The following RBM19 variants were observed in gnomAD, a reference collection of about 807,000 sequenced individuals.
RBM19 encodes the protein probable RNA-binding protein 19.
A neutral mutation model predicts 116.8 loss-of-function variants in RBM19; 94 were observed. That is an observed-to-expected ratio of 0.80 (90% CI 0.68 to 0.95). The LOEUF (loss-of-function observed/expected upper bound fraction) is 0.95, where lower values mean the gene tolerates loss of function less well. Among genes scored for constraint, RBM19 ranks in the 40% least tolerant of loss-of-function variants. The pLI, the probability that RBM19 is intolerant of heterozygous loss-of-function variation, is 0.00. For synonymous variants in RBM19, 475 were observed against 494.1 expected (o/e 0.96, Z 0.51); for missense variants, 1,161 against 1,220.7 (o/e 0.95, Z 0.73).
intron 10 of RBM19, among the ~76,000 whole-genome samples, chr12:113,948,191 T>G (rs968421903): frequency 1.8e-4 from 28 of 152,164 alleles, no homozygotes; most frequent in African/African-American, 6.8e-4. Context: ...TGAATAGACA[T>G]GGGGAGACAC....
intron 21 of RBM19, among the ~76,000 whole-genome samples, chr12:113,889,681 AAAAC>A (rs1451765296): frequency 6.6e-6 from 1 of 152,094 alleles, no homozygotes; most frequent in Admixed American, 6.5e-5. Context: ...AACAAAAAAA[AAAAC>A]AAAAAGACCC....
At chr12:113,838,864 C>T (rs552500763) in intron 23 of RBM19, among the ~76,000 whole-genome samples, 2 of 152,306 alleles carry the variant, frequency 1.3e-5, no homozygotes, top group African/African-American at 4.8e-5. Context: ...GCTGGTGGGG[C>T]ACGGACCACA....
At chr12:113,845,793 C>T (rs555479031) in intron 22 of RBM19, among the ~76,000 whole-genome samples, 6 of 152,336 alleles carry the variant, frequency 3.9e-5, no homozygotes, top group Admixed American at 2.0e-4. Context: ...AACACTCCCA[C>T]GGCACAGAGA....
chr12:113,965,726 C>A (rs770497560), intron 1 of RBM19, among the ~76,000 whole-genome samples: 2 of 152,156 alleles, frequency 1.3e-5, no homozygotes, highest in Non-Finnish European at 2.9e-5. Context: ...AAGCCCTTTA[C>A]CCACTCCGTA....
intron 2 of RBM19, among the ~76,000 whole-genome samples, chr12:113,960,614 G>A (rs1324377673): frequency 6.6e-6 from 1 of 152,156 alleles, no homozygotes; most frequent in Non-Finnish European, 1.5e-5. Flanking sequence ...TCTGGGCTCT[G>A]GAACCTGAGT....
intron 16 of RBM19, among the ~76,000 whole-genome samples, chr12:113,935,834 GA>G (rs1444450501): frequency 2.6e-5 from 4 of 152,158 alleles, no homozygotes; most frequent in Admixed American, 6.5e-5. Flanking sequence ...AGGAATTCCA[GA>G]CCAGCCTGGC....
intron 17 of RBM19, among the ~76,000 whole-genome samples, chr12:113,926,844 C>G (rs749382267): frequency 1.3e-5 from 2 of 152,258 alleles, no homozygotes; most frequent in Admixed American, 1.3e-4. Flanking sequence ...CTATCAGGGC[C>G]CCCGGCCAGC....
At chr12:113,871,007 C>A (rs1267762151) in intron 21 of RBM19, among the ~76,000 whole-genome samples, 1 of 152,190 alleles carries the variant, frequency 6.6e-6, no homozygotes, top group Non-Finnish European at 1.5e-5. Context: ...GAACCAGATT[C>A]CTCTTGCAGG....
rs770611704 is a variant in RBM19, at chr12:113,845,437, T to C, written c.2665-649A>G. 1.1e-3 allele frequency among the ~76,000 whole-genome samples: 163 copies of C among 152,338 alleles called. 1 individual carries two copies. The highest frequency in any genetic ancestry group is 1.1e-3 in the Non-Finnish European group (73 of 68,032). ...CCCACATGCTGCCTGGTTCCCTCTT[T>C]CTGCTTTTTAACAGCTATACTGAGA... On this transcript the variant is annotated intron_variant, in intron 22 of 23. Coordinates refer to ENST00000261741, the MANE Select transcript of RBM19 (RefSeq NM_016196.4).
At chr12:113,882,158 G>T (rs962284583) in intron 21 of RBM19, among the ~76,000 whole-genome samples, 2 of 152,224 alleles carry the variant, frequency 1.3e-5, no homozygotes, top group African/African-American at 4.8e-5. Context: ...CACAGTGAAG[G>T]GCAGGTGTGT....
intron 16 of RBM19, among the ~76,000 whole-genome samples, chr12:113,928,625 ATGTGTGTGTGTG>A (rs57242923): frequency 0.014 from 1,693 of 120,422 alleles, 23 homozygotes; most frequent in Middle Eastern, 0.056. Context: ...TTAGCAAGGG[ATGTGTGTGTGTG>A]TGTGTGTGTG....
intron 23 of RBM19, among the ~76,000 whole-genome samples, chr12:113,840,598 T>G (rs1876377371): frequency 6.6e-6 from 1 of 152,242 alleles, no homozygotes; most frequent in African/African-American, 2.4e-5. Flanking sequence ...TTTGGGCCTG[T>G]GGCCGACAGG....
At position 113,902,548 on chromosome 12, in the gene RBM19, A is replaced by G. The variant is rs114088872; in HGVS notation, c.2558+12421T>C. Reference sequence around the variant, plus strand: ...CAGGAGTTTGAGGCTTCAGTGAGCAATGATTACACTACTGTACTCTAGCCT... The same window carrying G: ...CAGGAGTTTGAGGCTTCAGTGAGCAGTGATTACACTACTGTACTCTAGCCT... On this transcript the variant is annotated intron_variant, in intron 21 of 23. Transcript: ENST00000261741. 1.4e-3 allele frequency among the ~76,000 whole-genome samples: 212 copies of G among 148,468 alleles called. 1 individual carries two copies. Among genetic ancestry groups the G allele is most frequent in the African/African-American group, 5.1e-3 (209 of 40,684 alleles).
At chr12:113,936,066 C>T (rs1870034795) in intron 16 of RBM19, among the ~76,000 whole-genome samples, 1 of 150,186 alleles carries the variant, frequency 6.7e-6, no homozygotes, top group South Asian at 2.1e-4. Context: ...AAAAACAACT[C>T]TTAAATCTGA....
At chr12:113,939,895 C>T in intron 15 of RBM19, 65 bp downstream of exon 15, 6 of 1,550,998 alleles carry the variant, frequency 3.9e-6, no homozygotes, top group Non-Finnish European at 5.3e-6. Flanking sequence ...CCACTGCACC[C>T]TCTCCCTTGA....
At chr12:113,830,183 A>T (rs1875248865) in intron 23 of RBM19, among the ~76,000 whole-genome samples, 1 of 152,190 alleles carries the variant, frequency 6.6e-6, no homozygotes, top group Admixed American at 6.5e-5. Flanking sequence ...TGGGGGTCTC[A>T]ACAGGAAAAG....
At chr12:113,922,845 G>A (rs1433247428) in intron 18 of RBM19, among the ~76,000 whole-genome samples, 4 of 152,144 alleles carry the variant, frequency 2.6e-5, no homozygotes, top group African/African-American at 9.7e-5. Flanking sequence ...GTTAAAATGA[G>A]GTCACAGGCC....
intron 21 of RBM19, among the ~76,000 whole-genome samples, chr12:113,888,851 C>T (rs1006572791): frequency 2.6e-5 from 4 of 152,192 alleles, no homozygotes; most frequent in East Asian, 1.9e-4. Flanking sequence ...CTTAGCTTGG[C>T]GTTTGGCATG....
At chr12:113,870,401 C>T (rs61027446) in intron 21 of RBM19, among the ~76,000 whole-genome samples, 10,053 of 152,240 alleles carry the variant, frequency 0.066, 648 homozygotes, top group East Asian at 0.34. Context: ...CATTTCAATG[C>T]TCAGAACCCT....
Sources: gnomAD v4.1 joint callset for allele counts (sites outside exome capture counted in the v4.1 genomes callset) on GRCh38, gnomAD v4.1.1 for gene constraint, MANE v1.5 for transcripts, NCBI Gene and HGNC (gene_info 2026-07-23, HGNC 2026-07-21) for gene names.